The following LRTM3 variants were observed in gnomAD, a reference collection of about 807,000 sequenced individuals.
LRTM3 encodes leucine-rich repeat transmembrane protein 3.
the LRTM3 span, chr13:102,741,296 T>C: frequency 3.9e-6 from 6 of 1,550,240 alleles, no homozygotes; most frequent in East Asian, 1.5e-4. Flanking sequence ...TCTTGCTGTA[T>C]TCACTGCCTG....
the LRTM3 span, chr13:102,741,172 T>G: frequency 2.6e-6 from 4 of 1,548,958 alleles, no homozygotes; most frequent in Non-Finnish European, 2.6e-6. Flanking sequence ...TCATCCTCAA[T>G]TTTTTTGAAA....
At chr13:102,740,473 G>A in the LRTM3 span, 1 of 1,550,062 alleles carries the variant, frequency 6.5e-7, no homozygotes, top group Non-Finnish European at 8.7e-7. Flanking sequence ...ACTTTTGAGG[G>A]CAAGATATAT....
chr13:102,740,808 A>T, the LRTM3 span: 3 of 1,549,338 alleles, frequency 1.9e-6, no homozygotes, highest in African/African-American at 4.1e-5. Context: ...GAAGTGAGGT[A>T]CCCTAAACTA....
chr13:102,742,451 G>C, the LRTM3 span: 1 of 1,548,372 alleles, frequency 6.5e-7, no homozygotes. Context: ...CTTGGGATCT[G>C]CCCTTGTTTT....
At chr13:102,731,041 G>A in the LRTM3 span, 9 of 1,551,468 alleles carry the variant, frequency 5.8e-6, no homozygotes, top group African/African-American at 8.2e-5. Context: ...TCACAGAAAA[G>A]TGCATGAGGA....
the LRTM3 span, chr13:102,740,777 A>G: frequency 6.5e-7 from 1 of 1,549,288 alleles, no homozygotes; most frequent in African/African-American, 1.4e-5. Context: ...TGGAAAAAGC[A>G]AGCCAATTCC....
chr13:102,746,804 G>A, the LRTM3 span: 1 of 1,551,188 alleles, frequency 6.4e-7, no homozygotes, highest in South Asian at 1.2e-5. Context: ...ACTTTCTCTT[G>A]TTTGGTTTAA....
chr13:102,751,991 C>T, the LRTM3 span, among the ~76,000 whole-genome samples: 1 of 152,146 alleles, frequency 6.6e-6, no homozygotes, highest in Non-Finnish European at 1.5e-5. Context: ...AACAGAACAG[C>T]CCTTTGGAAA....
chr13:102,737,391 A>T, the LRTM3 span: 2 of 1,550,904 alleles, frequency 1.3e-6, no homozygotes, highest in Non-Finnish European at 1.7e-6. Context: ...GAAGACTCAG[A>T]AGGCAAATGT....
At chr13:102,748,683 C>T in the LRTM3 span, 2 of 1,550,142 alleles carry the variant, frequency 1.3e-6, no homozygotes, top group Non-Finnish European at 1.7e-6. Flanking sequence ...CTATTTAGAA[C>T]ATGAAATTCT....
At chr13:102,740,043 C>G in the LRTM3 span, 6 of 1,550,146 alleles carry the variant, frequency 3.9e-6, no homozygotes. Context: ...CCTTTACTTT[C>G]TTGCAAAATA....
chr13:102,733,085 T>C, the LRTM3 span: 1 of 1,551,452 alleles, frequency 6.4e-7, no homozygotes. Flanking sequence ...TGTTTTCTTG[T>C]CCACATCTGT....
the LRTM3 span, chr13:102,745,972 A>G: frequency 6.4e-7 from 1 of 1,551,120 alleles, no homozygotes; most frequent in Non-Finnish European, 8.7e-7. Context: ...TCTGATATGC[A>G]TTGAGTATTA....
At chr13:102,752,437 T>A in the LRTM3 span, among the ~76,000 whole-genome samples, 2 of 152,180 alleles carry the variant, frequency 1.3e-5, no homozygotes, top group African/African-American at 4.8e-5. Context: ...TCTGTCAGAA[T>A]GGCTACCCTG....
At chr13:102,744,816 C>T in the LRTM3 span, 1 of 1,550,628 alleles carries the variant, frequency 6.4e-7, no homozygotes, top group Non-Finnish European at 8.7e-7. Flanking sequence ...GCCTTCTGTG[C>T]CTCCCCACCA....
the LRTM3 span, chr13:102,748,995 C>T: frequency 7.1e-6 from 11 of 1,550,616 alleles, no homozygotes; most frequent in African/African-American, 1.4e-4. Flanking sequence ...TTTATTAAAC[C>T]CGGCATGACT....
chr13:102,741,183 A>G, the LRTM3 span: 19 of 1,548,642 alleles, frequency 1.2e-5, no homozygotes, highest in African/African-American at 2.6e-4. Context: ...TTTTTTGAAA[A>G]GTCCATTTTC....
chr13:102,738,661 T>C, the LRTM3 span: 1 of 1,550,618 alleles, frequency 6.4e-7, no homozygotes, highest in East Asian at 2.4e-5. Flanking sequence ...CTGTTTTCTC[T>C]GTATCTGATG....
the LRTM3 span, chr13:102,730,408 C>T: frequency 1.3e-6 from 2 of 1,550,902 alleles, no homozygotes; most frequent in Non-Finnish European, 1.7e-6. Context: ...CTTCAGAAAT[C>T]TGAGTTTCAC....
Sources: gnomAD v4.1 joint callset for allele counts (sites outside exome capture counted in the v4.1 genomes callset) on GRCh38, gnomAD v4.1.1 for gene constraint, MANE v1.5 for transcripts, NCBI Gene and HGNC (gene_info 2026-07-23, HGNC 2026-07-21) for gene names.